Variants in IRAK2 observed in about 807,000 individuals in gnomAD.
The protein encoded by IRAK2 is interleukin-1 receptor-associated kinase-like 2.
IRAK2 carries 57 observed loss-of-function variants against 72.0 expected under a neutral mutation model. The ratio of observed to expected loss-of-function variants is 0.79; its 90% CI spans 0.64 to 0.99. The LOEUF (loss-of-function observed/expected upper bound fraction) is 0.99, where lower values mean the gene tolerates loss of function less well. IRAK2 is among the 50% of genes least tolerant of loss of function. The probability of loss-of-function intolerance (pLI) is 0.00; values close to 1 mark genes in which losing one functional copy is unlikely to be tolerated. For missense variants in IRAK2, 790 were observed against 794.4 expected (o/e 0.99, Z 0.07); for synonymous variants, 293 against 312.7 (o/e 0.94, Z 0.67).
chr3:10,229,216 C>T (rs567506812), intron 10 of IRAK2, among the ~76,000 whole-genome samples: 1 of 152,212 alleles, frequency 6.6e-6, no homozygotes, highest in Admixed American at 6.5e-5. Flanking sequence ...GTTGGGATTA[C>T]AGGAGTGAGC....
chr3:10,208,311 A>AT (rs1413138414), intron 3 of IRAK2, among the ~76,000 whole-genome samples: 2 of 151,662 alleles, frequency 1.3e-5, no homozygotes, highest in African/African-American at 2.4e-5. Flanking sequence ...CACGGGAAGG[A>AT]TTTTTTTTGA....
chr3:10,240,558 C>CCCCT (rs1274154130), intron 12 of IRAK2, among the ~76,000 whole-genome samples: 7 of 18,066 alleles, frequency 3.9e-4, no homozygotes, highest in African/African-American at 2.4e-3. Context: ...CCCCCCCCGC[C>CCCCT]TTTTTTTTTT....
chr3:10,173,799 T>C (rs1696832235), intron 1 of IRAK2, among the ~76,000 whole-genome samples: 1 of 152,134 alleles, frequency 6.6e-6, no homozygotes, highest in Admixed American at 6.5e-5. Context: ...CACTCCAGCC[T>C]GGGCAGCAGA....
chr3:10,200,568 G>A, intron 3 of IRAK2, 53 bp downstream of exon 3: 1 of 1,468,494 alleles, frequency 6.8e-7, no homozygotes, highest in Non-Finnish European at 9.2e-7. Flanking sequence ...AGGAAATGAA[G>A]ATATATCTAT....
At chr3:10,184,196 A>T (rs1697007639) in intron 2 of IRAK2, among the ~76,000 whole-genome samples, 1 of 152,192 alleles carries the variant, frequency 6.6e-6, no homozygotes, top group South Asian at 2.1e-4. Context: ...CTCATAAGCT[A>T]TTGGCCAAAC....
intron 2 of IRAK2, among the ~76,000 whole-genome samples, chr3:10,193,224 T>G (rs930773210): frequency 3.9e-5 from 6 of 152,180 alleles, no homozygotes; most frequent in Admixed American, 2.0e-4. Flanking sequence ...GAAGCGCTTC[T>G]GCCCCTCCCC....
intron 1 of IRAK2, among the ~76,000 whole-genome samples, chr3:10,171,511 A>ACTT (rs1173906825): frequency 6.4e-4 from 97 of 152,280 alleles, no homozygotes; most frequent in African/African-American, 2.2e-3. Flanking sequence ...GACTTTGAAG[A>ACTT]CAGGCAAGGT....
chr3:10,166,981 C>G (rs547088107), intron 1 of IRAK2, among the ~76,000 whole-genome samples: 1 of 152,136 alleles, frequency 6.6e-6, no homozygotes, highest in Non-Finnish European at 1.5e-5. Flanking sequence ...GGGCAGTGAA[C>G]AAACTTTGTG....
At position 10,240,827 on chromosome 3, in the gene IRAK2, A is replaced by G. The variant is rs1698047767; in HGVS notation, c.1766-1289A>G. Among the ~76,000 whole-genome samples, 5 of 151,522 alleles carry G rather than the reference A, an allele frequency of 3.3e-5. No homozygotes were observed. In the South Asian group the frequency reaches 1.0e-3, roughly 32 times the overall value. Reference sequence around the variant, plus strand: ...GCCCACCTCGGCCTCCCAAAGTGCTAGGATTATAGGTATGAGCCACCGCAC... The same window carrying G: ...GCCCACCTCGGCCTCCCAAAGTGCTGGGATTATAGGTATGAGCCACCGCAC... On this transcript the variant is annotated intron_variant, in intron 12 of 12. Coordinates refer to ENST00000256458, the MANE Select transcript of IRAK2 (RefSeq NM_001570.4).
chr3:10,212,922 G>A (rs553101844), intron 4 of IRAK2, among the ~76,000 whole-genome samples: 2 of 152,050 alleles, frequency 1.3e-5, no homozygotes, highest in East Asian at 3.9e-4. Flanking sequence ...CCGCCACCAC[G>A]CCTGGATAAT....
intron 2 of IRAK2, among the ~76,000 whole-genome samples, chr3:10,193,959 C>A (rs1004119577): frequency 2.6e-5 from 4 of 152,262 alleles, no homozygotes; most frequent in Non-Finnish European, 4.4e-5. Flanking sequence ...TAAAAATAGC[C>A]TTCCACCCTA....
intron 2 of IRAK2, among the ~76,000 whole-genome samples, chr3:10,198,965 T>G (rs931962359): frequency 6.6e-6 from 1 of 152,144 alleles, no homozygotes; most frequent in Non-Finnish European, 1.5e-5. Flanking sequence ...AATGCAGGGC[T>G]ATAGCATCAG....
intron 10 of IRAK2, among the ~76,000 whole-genome samples, chr3:10,230,721 G>A (rs187932006): frequency 3.3e-5 from 5 of 151,016 alleles, no homozygotes; most frequent in Middle Eastern, 3.4e-3. Flanking sequence ...GGCACGTGCC[G>A]CCACTCCTAG....
At chr3:10,165,792 G>A (rs1393451811) in intron 1 of IRAK2, among the ~76,000 whole-genome samples, 2 of 145,822 alleles carry the variant, frequency 1.4e-5, no homozygotes, top group East Asian at 2.0e-4. Context: ...GTGCAGTGGC[G>A]CGATCTAGGC....
intron 2 of IRAK2, among the ~76,000 whole-genome samples, chr3:10,197,509 A>T: frequency 6.6e-6 from 1 of 152,156 alleles, no homozygotes; most frequent in East Asian, 1.9e-4. Context: ...ACAGAAATAA[A>T]GGTCCCATAT....
intron 8 of IRAK2, among the ~76,000 whole-genome samples, chr3:10,222,084 C>T (rs1020992440): frequency 2.6e-5 from 4 of 151,970 alleles, no homozygotes; most frequent in Non-Finnish European, 4.4e-5. Flanking sequence ...GATGGAGTTT[C>T]GGCATGCTGG....
chr3:10,226,074 A>G (rs1181454525), intron 9 of IRAK2, among the ~76,000 whole-genome samples: 6 of 152,186 alleles, frequency 3.9e-5, no homozygotes, highest in Admixed American at 3.9e-4. Flanking sequence ...ATATTTATCT[A>G]TACCTATATA....
At chr3:10,231,705 G>A (rs1271866998) in intron 10 of IRAK2, among the ~76,000 whole-genome samples, 2 of 152,162 alleles carry the variant, frequency 1.3e-5, no homozygotes, top group Non-Finnish European at 2.9e-5. Context: ...ATGTGGAGAT[G>A]GGATGTCACT....
chr3:10,212,038 C>A (rs440541), intron 4 of IRAK2, among the ~76,000 whole-genome samples: 3 of 150,924 alleles, frequency 2.0e-5, no homozygotes, highest in Admixed American at 1.3e-4. Context: ...CGAGATCACA[C>A]CACTGCACTC....
Sources: gnomAD v4.1 joint callset for allele counts (sites outside exome capture counted in the v4.1 genomes callset) on GRCh38, gnomAD v4.1.1 for gene constraint, MANE v1.5 for transcripts, NCBI Gene and HGNC (gene_info 2026-07-23, HGNC 2026-07-21) for gene names.